RALGAPA1: variants seen among roughly 807,000 people sequenced by gnomAD.
RALGAPA1 encodes the protein ral GTPase-activating protein subunit alpha-1.
RALGAPA1 carries 52 observed loss-of-function variants against 269.6 expected under a neutral mutation model. The observed-to-expected ratio is 0.19, with a 90% CI of 0.15 to 0.24. The LOEUF is 0.24. RALGAPA1 is among the 10% of genes least tolerant of loss of function. The pLI is 1.00. For missense variants in RALGAPA1, 1,917 were observed against 3,013.9 expected (o/e 0.64, Z 8.52); for synonymous variants, 817 against 1,008.3 (o/e 0.81, Z 3.60).
intron 17 of RALGAPA1, among the ~76,000 whole-genome samples, chr14:35,691,089 A>ATT (rs1567015872): frequency 9.9e-4 from 146 of 147,742 alleles, no homozygotes; most frequent in South Asian, 7.5e-3. Context: ...TAATAATAAT[A>ATT]ATTATTATTA....
At chr14:35,797,250 G>A (rs1207062468) in intron 1 of RALGAPA1, among the ~76,000 whole-genome samples, 1 of 149,914 alleles carries the variant, frequency 6.7e-6, no homozygotes, top group South Asian at 2.1e-4. Context: ...GCTACTAGGG[G>A]GCTGAAGCAG....
chr14:35,572,777 AG>A (rs2057305218), intron 37 of RALGAPA1, 59 bp from the exon 38 acceptor site: 1 of 1,200,780 alleles, frequency 8.3e-7, no homozygotes, highest in South Asian at 2.0e-5. Context: ...ACAGTCATAC[AG>A]TCACATACAA....
rs752035811 is a variant in RALGAPA1, at chr14:35,674,659, G to C, written c.4675C>G (p.Leu1559Val). ...ECCSVMAGGT[L>V]TGWHADVATV... ...GCAACATCAGCATGCCATCCAGTCAGAGTACCTCCTGCCATCACACTACAA... is the reference window on the plus strand; with the variant it reads ...GCAACATCAGCATGCCATCCAGTCACAGTACCTCCTGCCATCACACTACAA... The change falls in exon 23 of 42, where the codon CTG (leucine) becomes GTG (valine). Residue 1559 changes from leucine (L) to valine (V), a missense_variant. Physicochemically the swap from Leu to Val is conservative, Grantham distance 32. Around this residue, in one of 11 missense-constraint regions of RALGAPA1, gnomAD observed 73 missense variants for 190.6 expected, o/e 0.38. Transcript: ENST00000680220. The C allele has an allele frequency of 1.2e-5, 19 of 1,566,950 alleles. No individual in the cohort carries two copies. The highest frequency in any genetic ancestry group is 1.7e-5 in the Admixed American group (1 of 59,334).
chr14:35,545,580 CAGAA>C (rs1212548255), intron 41 of RALGAPA1, among the ~76,000 whole-genome samples: 1 of 151,722 alleles, frequency 6.6e-6, no homozygotes, highest in Non-Finnish European at 1.5e-5. Flanking sequence ...TATATGAATA[CAGAA>C]AGACAGAAAC....
intron 16 of RALGAPA1, among the ~76,000 whole-genome samples, chr14:35,710,866 C>T (rs764354613): frequency 2.4e-4 from 36 of 152,240 alleles, no homozygotes; most frequent in African/African-American, 8.2e-4. Context: ...ATATTGCACA[C>T]GTTTGCAGCC....
At chr14:35,798,013 C>T (rs2076702890) in intron 1 of RALGAPA1, among the ~76,000 whole-genome samples, 1 of 151,568 alleles carries the variant, frequency 6.6e-6, no homozygotes, top group Admixed American at 6.6e-5. Context: ...GCTGGGATCA[C>T]AGGCGGCTGC....
Position 35,748,805 on chromosome 14 carries a change from A to G in RALGAPA1, c.1031T>C (p.Val344Ala), listed in dbSNP as rs1454399494. ...ATCATTTTTGCTTTCTTCTCTGGAT[A>G]CTAAACTAGCAGCTGCTCTCTAAAA... ...KNIQRAAASL[V>A]SREESKNDNA... The change falls in exon 10 of 42, where the codon GTA becomes GCA. Residue 344 changes from valine to alanine, a missense_variant. Val to Ala is a moderately conservative substitution (Grantham distance 64). Transcript: ENST00000680220. 1.2e-6 allele frequency: 2 copies of G among 1,604,296 alleles called. No homozygotes were observed. The highest frequency in any genetic ancestry group is 2.2e-5 in the East Asian group (1 of 44,660).
chr14:35,807,383 T>G (rs1459910603), intron 1 of RALGAPA1, among the ~76,000 whole-genome samples: 1 of 152,214 alleles, frequency 6.6e-6, no homozygotes, highest in Non-Finnish European at 1.5e-5. Flanking sequence ...TCTTGAAAAC[T>G]GAGCTTTTTA....
At chr14:35,639,900 C>T (rs1048538518) in intron 31 of RALGAPA1, among the ~76,000 whole-genome samples, 10 of 150,550 alleles carry the variant, frequency 6.6e-5, no homozygotes, top group African/African-American at 2.5e-4. Flanking sequence ...GATTGCACCA[C>T]TGCAGTTCAG....
chr14:35,661,413 A>G (rs1208837782), intron 27 of RALGAPA1, among the ~76,000 whole-genome samples: 2 of 152,202 alleles, frequency 1.3e-5, no homozygotes, highest in Non-Finnish European at 2.9e-5. Flanking sequence ...CAAGGGTAAA[A>G]TATTGAAGTG....
intron 1 of RALGAPA1, among the ~76,000 whole-genome samples, chr14:35,792,803 GAGAA>G (rs1176430717): frequency 8.3e-5 from 9 of 108,980 alleles, no homozygotes; most frequent in African/African-American, 1.8e-4. Flanking sequence ...AAGAAAGAAA[GAGAA>G]AGAAAGAAAG....
chr14:35,624,316 T>G (rs1185783040), intron 35 of RALGAPA1, among the ~76,000 whole-genome samples: 1 of 151,554 alleles, frequency 6.6e-6, no homozygotes, highest in Non-Finnish European at 1.5e-5. Flanking sequence ...TGAGAAAAGC[T>G]AAAAACAACA....
chr14:35,586,331 A>T (rs1241144230), intron 37 of RALGAPA1, among the ~76,000 whole-genome samples: 1 of 152,202 alleles, frequency 6.6e-6, no homozygotes, highest in Non-Finnish European at 1.5e-5. Context: ...GTTGCTTGTC[A>T]GCTTAAGGAG....
Position 35,799,230 on chromosome 14 carries a change from T to C in RALGAPA1, c.106+9500A>G, listed in dbSNP as rs138933007. On this transcript the variant is annotated intron_variant, in intron 1 of 41. Transcript: ENST00000680220. The stretch of plus-strand genomic sequence containing the variant: ...TTCTTATACTACATGGGAAGTGGTA[T>C]AGTATCACTTAAAGGTGTACACTCT... 2.6e-5 allele frequency among the ~76,000 whole-genome samples: 4 copies of C among 152,242 alleles called. No homozygotes were observed. The East Asian group carries it at 5.8e-4, about 22-fold the overall frequency.
chr14:35,603,935 GCACA>G (rs1594776981), intron 36 of RALGAPA1, among the ~76,000 whole-genome samples: 1 of 152,026 alleles, frequency 6.6e-6, no homozygotes, highest in East Asian at 1.9e-4. Flanking sequence ...CTGTTCAATA[GCACA>G]TTAGCATGAC....
intron 11 of RALGAPA1, 87 bp downstream of exon 11, chr14:35,742,275 AATAAGT>A (rs2071631052): frequency 1.1e-6 from 1 of 934,762 alleles, no homozygotes; most frequent in Admixed American, 2.7e-5. Context: ...CTTCCCATTT[AATAAGT>A]ATATTTGTGT....
At chr14:35,684,867 G>T in intron 20 of RALGAPA1, 62 bp downstream of exon 20, 1 of 1,505,936 alleles carries the variant, frequency 6.6e-7, no homozygotes, top group Non-Finnish European at 9.0e-7. Flanking sequence ...TAATCCGTAA[G>T]TCAGTCTTGA....
chr14:35,642,814 C>T (rs956355365), intron 31 of RALGAPA1, among the ~76,000 whole-genome samples: 3 of 152,100 alleles, frequency 2.0e-5, no homozygotes, highest in Non-Finnish European at 4.4e-5. Flanking sequence ...ACCATTTGAC[C>T]CAGCCATCTA....
At chr14:35,574,875 C>T (rs1374743837) in intron 37 of RALGAPA1, among the ~76,000 whole-genome samples, 3 of 152,072 alleles carry the variant, frequency 2.0e-5, no homozygotes, top group South Asian at 2.1e-4. Flanking sequence ...ACTTGCAATC[C>T]GAGCACTCTG....
Sources: allele counts gnomAD v4.1 joint callset (sites outside exome capture counted in the v4.1 genomes callset), GRCh38; gene constraint gnomAD v4.1.1; regional missense constraint gnomAD v4.1.1; transcripts MANE v1.5; gene names NCBI Gene and HGNC (gene_info 2026-07-23, HGNC 2026-07-21).